CAST: variants seen among roughly 807,000 people sequenced by gnomAD.
CAST encodes the protein MIR583 host.
In CAST, 76 loss-of-function variants were observed where a neutral mutation model predicts 119.6. The observed-to-expected ratio is 0.64, with a 90% CI of 0.53 to 0.77. The LOEUF (loss-of-function observed/expected upper bound fraction) is 0.77, where lower values mean the gene tolerates loss of function less well. CAST is among the 30% of genes least tolerant of loss of function. The pLI is 0.00. For missense variants in CAST, 953 were observed against 946.5 expected (o/e 1.01, Z -0.09); for synonymous variants, 319 against 331.6 (o/e 0.96, Z 0.41).
the CAST span, among the ~76,000 whole-genome samples, chr5:96,189,921 G>C: frequency 6.6e-6 from 1 of 152,080 alleles, no homozygotes; most frequent in Non-Finnish European, 1.5e-5. Context: ...TGGGTCAACT[G>C]CTCTTGTTTT....
chr5:96,476,541 C>G, the CAST span, among the ~76,000 whole-genome samples: 1 of 152,126 alleles, frequency 6.6e-6, no homozygotes, highest in Non-Finnish European at 1.5e-5. Flanking sequence ...CTCTTTGACT[C>G]GGCCTTTCTT....
chr5:96,774,507 A>T lies in CAST; in HGVS notation c.*1891A>T, dbSNP rs7063. On this transcript the variant is annotated 3_prime_UTR_variant, in exon 32 of 32. Coordinates refer to ENST00000675179, the MANE Select transcript of CAST (RefSeq NM_001750.7). Reference sequence around the variant, plus strand: ...ACTTAGAGGCAAAGAACAATTTTTTATTATCAAAAAGGTTTCTGCACATTG... The same window carrying T: ...ACTTAGAGGCAAAGAACAATTTTTTTTTATCAAAAAGGTTTCTGCACATTG... 0.29 allele frequency: 282,587 copies of T among 984,688 alleles called. 42,210 individuals carry two copies. The highest frequency in any genetic ancestry group is 0.31 in the Non-Finnish European group (254,742 of 828,142). 61.0% of individuals were successfully genotyped at this position (984,688 alleles called of 1,614,324 possible).
intron 9 of CAST, among the ~76,000 whole-genome samples, chr5:96,732,983 T>C (rs184183818): frequency 2.4e-4 from 36 of 152,260 alleles, no homozygotes; most frequent in Non-Finnish European, 2.6e-4. Context: ...CTGCTACAGC[T>C]AAATGGTAAA....
the CAST span, among the ~76,000 whole-genome samples, chr5:96,156,737 G>A: frequency 6.6e-6 from 1 of 152,146 alleles, no homozygotes; most frequent in Admixed American, 6.5e-5. Flanking sequence ...TCATGGACTA[G>A]ATAAATAAAC....
the CAST span, chr5:95,961,712 C>A: frequency 2.1e-5 from 33 of 1,605,482 alleles, no homozygotes; most frequent in Non-Finnish European, 2.7e-5. Flanking sequence ...CCTGTCCCCC[C>A]CGCCGCCATC....
the CAST span, among the ~76,000 whole-genome samples, chr5:96,502,566 T>C: frequency 7.4e-4 from 112 of 152,220 alleles, 1 homozygote; most frequent in African/African-American, 2.5e-3. Context: ...ATTAATGCTT[T>C]TCCCCCATCC....
chr5:96,542,522 T>C (rs1745933040), intron 1 of CAST, among the ~76,000 whole-genome samples: 1 of 152,142 alleles, frequency 6.6e-6, no homozygotes. Context: ...TTGCAATCTT[T>C]TAATGACAAA....
chr5:96,241,691 G>A, the CAST span, among the ~76,000 whole-genome samples: 568 of 141,266 alleles, frequency 4.0e-3, 26 homozygotes, highest in Middle Eastern at 0.029. Context: ...CAGTGTAAAA[G>A]TGTTCCTATT....
the CAST span, among the ~76,000 whole-genome samples, chr5:96,106,467 C>T: frequency 6.6e-6 from 1 of 152,062 alleles, no homozygotes; most frequent in East Asian, 1.9e-4. Context: ...TTTCTGCCTT[C>T]ATTTCATTAT....
chr5:96,286,186 T>C, the CAST span, among the ~76,000 whole-genome samples: 2 of 152,232 alleles, frequency 1.3e-5, no homozygotes, highest in South Asian at 4.1e-4. Flanking sequence ...ATTTAGATAC[T>C]CATTCCATTA....
intron 1 of CAST, among the ~76,000 whole-genome samples, chr5:96,559,954 A>C (rs1746321465): frequency 1.3e-5 from 2 of 152,204 alleles, no homozygotes; most frequent in Admixed American, 1.3e-4. Flanking sequence ...CCTTCAAACT[A>C]TACTTACAAG....
chr5:96,392,732 T>G, the CAST span: 1 of 503,606 alleles, frequency 2.0e-6, no homozygotes, highest in East Asian at 3.6e-5. Flanking sequence ...AAGAGCTTTT[T>G]GTCAACTGTG....
At chr5:96,253,811 C>A in the CAST span, among the ~76,000 whole-genome samples, 3 of 151,942 alleles carry the variant, frequency 2.0e-5, no homozygotes, top group Admixed American at 2.0e-4. Context: ...ATTTGAATAT[C>A]CAAAATGTAA....
At chr5:96,491,214 G>A in the CAST span, among the ~76,000 whole-genome samples, 41 of 151,976 alleles carry the variant, frequency 2.7e-4, no homozygotes, top group Non-Finnish European at 4.0e-4. Flanking sequence ...GGCCGGGCAC[G>A]GTGGCTCAAG....
chr5:96,036,077 TA>T, the CAST span, among the ~76,000 whole-genome samples: 376 of 142,832 alleles, frequency 2.6e-3, 1 homozygote, highest in African/African-American at 4.6e-3. Flanking sequence ...TATTTTCAGT[TA>T]AAAAAAAAAA....
Position 96,766,075 on chromosome 5 carries a change from G to A in CAST, c.2060G>A (p.Arg687Lys). 3 of 1,606,462 alleles carry A rather than the reference G, an allele frequency of 1.9e-6. No homozygotes were observed. Among genetic ancestry groups the A allele is most frequent in the Non-Finnish European group, 2.6e-6 (3 of 1,173,936 alleles). ...TAGGAAAAAGCTAAAGCTGAACATA[G>A]AGACAAGCTTGGAGAAAGAGATGAC... ...KVKEKAKAEH[R>K]DKLGERDDTI... The change falls in exon 27 of 32, where the codon AGA becomes AAA. Residue 687 changes from arginine (R) to lysine (K), a missense_variant. Arg to Lys is a conservative substitution (Grantham distance 26, BLOSUM62 2). Coordinates refer to ENST00000675179, the MANE Select transcript of CAST (RefSeq NM_001750.7).
intron 1 of CAST, among the ~76,000 whole-genome samples, chr5:96,617,110 C>A (rs902904133): frequency 6.6e-6 from 1 of 152,124 alleles, no homozygotes; most frequent in African/African-American, 2.4e-5. Context: ...ATAAAGACAC[C>A]TTTTATTTAA....
the CAST span, among the ~76,000 whole-genome samples, chr5:96,425,540 A>G: frequency 0.025 from 3,745 of 152,316 alleles, 151 homozygotes; most frequent in African/African-American, 0.086. Context: ...CCTAACCTGC[A>G]AGATATTATT....
chr5:96,681,855 G>A (rs949293298), intron 2 of CAST, among the ~76,000 whole-genome samples: 1 of 150,928 alleles, frequency 6.6e-6, no homozygotes, highest in Non-Finnish European at 1.5e-5. Flanking sequence ...CTCTTGTTTC[G>A]GTTTCCCTTG....
Sources: gnomAD v4.1 joint callset for allele counts (sites outside exome capture counted in the v4.1 genomes callset) on GRCh38, gnomAD v4.1.1 for gene constraint, MANE v1.5 for transcripts, NCBI Gene and HGNC (gene_info 2026-07-23, HGNC 2026-07-21) for gene names.